Variants in PRDM13 observed in about 807,000 individuals in gnomAD.
PRDM13 encodes PR/SET domain 13.
PRDM13 carries 15 observed loss-of-function variants against 36.4 expected under a neutral mutation model. The observed-to-expected ratio is 0.41, with a 90% CI of 0.28 to 0.64. PRDM13 has a LOEUF of 0.64. PRDM13 is among the 30% of genes least tolerant of loss of function. PRDM13 has a pLI of 0.29. For synonymous variants in PRDM13, 531 were observed against 467.7 expected, an observed-to-expected ratio of 1.14 and a Z score of -1.75; for missense variants, 1,044 against 1,013.5, an observed-to-expected ratio of 1.03 and a Z score of -0.41.
At chr6:99,609,380 A>T in intron 3 of PRDM13, 73 bp downstream of exon 3, 1 of 1,545,604 alleles carries the variant, frequency 6.5e-7, no homozygotes, top group African/African-American at 1.4e-5. Context: ...GTCCCTAGAC[A>T]TAGCTCGATC....
In PRDM13 at chr6:99,613,638, G is replaced by A; in HGVS notation, c.1003G>A (p.Ala335Thr). ...ALGRLLGGGR[A>T]CGRPGSGENS... ...GGGCAGGCTGCTGGGCGGGGGCCGGGCGTGCGGGCGCCCCGGGAGCGGGGA... is the reference window on the plus strand; with the variant it reads ...GGGCAGGCTGCTGGGCGGGGGCCGGACGTGCGGGCGCCCCGGGAGCGGGGA... The change falls in exon 4 of 4, where the codon GCG (alanine) becomes ACG (threonine). Residue 335 changes from alanine (A) to threonine (T), a missense_variant. Coordinates refer to ENST00000369215, the MANE Select transcript of PRDM13 (RefSeq NM_021620.4). This position sits in a 1 kb window ranked among gnomAD's most constrained non-coding sequence, Gnocchi z 6.1. 7.0e-7 allele frequency: 1 copy of A among 1,437,804 alleles called. No individual in the cohort carries two copies. The highest frequency in any genetic ancestry group is 1.5e-5 in the African/African-American group (1 of 66,464). The allele number at this position is 1,437,804 out of a possible 1,614,324, so 89.1% of individuals were successfully genotyped here.
chr6:99,610,793 G>A (rs1770019199), intron 3 of PRDM13, among the ~76,000 whole-genome samples: 1 of 152,150 alleles, frequency 6.6e-6, no homozygotes, highest in African/African-American at 2.4e-5. Context: ...ACCTTTAGAA[G>A]CCAGCCATTT....
rs748789994 is a variant in PRDM13 at position 99,613,327 on chromosome 6, C to T, written c.692C>T (p.Ala231Val). 5 of 1,555,808 alleles carry T rather than the reference C, an allele frequency of 3.2e-6. No individual in the cohort carries two copies. The highest frequency in any genetic ancestry group is 4.3e-6 in the Non-Finnish European group (5 of 1,155,002). The change falls in exon 4 of 4, where the codon GCC (alanine) becomes GTC (valine). Residue 231 changes from alanine (A) to valine (V), a missense_variant. By Grantham distance (64) the Ala-to-Val change is moderately conservative. Transcript: ENST00000369215. The surrounding 1 kb of genome is among the most constrained non-coding windows in gnomAD (Gnocchi z 6.1). ...CGAREGIKRE[A>V]SSAPSATSPT... Reference sequence around the variant, plus strand: ...GCGCGGGAGGGCATCAAGCGCGAGGCCTCTTCCGCGCCCTCGGCCACCTCG... The same window carrying T: ...GCGCGGGAGGGCATCAAGCGCGAGGTCTCTTCCGCGCCCTCGGCCACCTCG...
At position 99,613,532 on chromosome 6, in the gene PRDM13, C is replaced by T. The variant is rs558655896; in HGVS notation, c.897C>T (p.Gly299=). ...PGVRSAFKPA[G]LARAAAAAHG... The stretch of plus-strand genomic sequence containing the variant: ...TGCGCTCAGCTTTCAAGCCCGCCGG[C>T]CTAGCGAGGGCGGCGGCGGCCGCTC... The change falls in exon 4 of 4, where the codon GGC becomes GGT. Residue 299 remains glycine (G), a synonymous_variant. Transcript: ENST00000369215. The surrounding 1 kb of genome is among the most constrained non-coding windows in gnomAD (Gnocchi z 6.1). 32 of 1,499,896 alleles carry T rather than the reference C, an allele frequency of 2.1e-5. No homozygotes were observed. Among genetic ancestry groups the T allele is most frequent in the East Asian group, 5.2e-5 (2 of 38,364 alleles). 92.9% of individuals were successfully genotyped at this position (1,499,896 alleles called of 1,614,324 possible). A position where few individuals can be genotyped will look rare whatever the true frequency, so the allele number is the denominator to read the frequency against.
intron 3 of PRDM13, among the ~76,000 whole-genome samples, chr6:99,610,266 C>A (rs563268303): frequency 6.6e-6 from 1 of 152,148 alleles, no homozygotes; most frequent in African/African-American, 2.4e-5. Flanking sequence ...TTAAACCTAC[C>A]CTTGAACACT....
Position 99,608,876 on chromosome 6 carries a change from C to T in PRDM13, c.276+4C>T, listed in dbSNP as rs1409395546. On this transcript the variant is annotated splice_donor_region_variant and intron_variant, in intron 2 of 3. Transcript: ENST00000369215. ...TGCAGACTTACCCGGAGGACAGGTACTGCGGGCTTCTCTCCACACCCCCCC... is the reference window on the plus strand; with the variant it reads ...TGCAGACTTACCCGGAGGACAGGTATTGCGGGCTTCTCTCCACACCCCCCC... The T allele has an allele frequency of 1.2e-6, 2 of 1,609,842 alleles. No individual in the cohort carries two copies. The highest frequency in any genetic ancestry group is 2.2e-5 in the South Asian group (2 of 90,316).
rs764847031 is a variant in PRDM13 at position 99,614,712 on chromosome 6, G to T, written c.2077G>T (p.Asp693Tyr). The T allele has an allele frequency of 5.6e-6, 9 of 1,597,866 alleles. 1 individual carries two copies. In the South Asian group the frequency reaches 1.0e-4, roughly 18 times the overall value. ...TGACGTGGACGTCTGCTTCACAGAC[G>T]ACCAGAGCGACCCCGAGGTTGGGGG... The part of the protein sequence containing the change: ...DSDVDVCFTD[D>Y]QSDPEVGGGG... Residue 693 changes from aspartate (D) to tyrosine (Y), a missense_variant, in exon 4 of 4, where the codon GAC (aspartate) becomes TAC (tyrosine). Physicochemically the swap from Asp to Tyr is radical, Grantham distance 160. This residue lies in a region of PRDM13 where 115 missense variants were observed against 122.1 expected (regional missense o/e 0.94). Coordinates refer to ENST00000369215, the MANE Select transcript of PRDM13 (RefSeq NM_021620.4).
rs886658890 is a variant in PRDM13 at position 99,612,978 on chromosome 6, T to C, written c.398-55T>C. 83 of 1,598,592 alleles carry C rather than the reference T, an allele frequency of 5.2e-5. No homozygotes were observed. The South Asian group carries it at 8.8e-4, about 17-fold the overall frequency. The stretch of plus-strand genomic sequence containing the variant: ...GCCTTGGGTGCACTGGCGCTTTCTT[T>C]ATGTCTCGCTTGTTCGCCTCTCACC... On this transcript the variant is annotated intron_variant, in intron 3 of 3. Transcript: ENST00000369215.
rs1769995133 is a variant in PRDM13, at chr6:99,609,093, G to T, written c.277-94G>T. The T allele has an allele frequency of 5.4e-6, 8 of 1,485,116 alleles. No homozygotes were observed. In the Admixed American group the frequency reaches 1.6e-4, roughly 29 times the overall value. The allele number at this position is 1,485,116 out of a possible 1,614,324, so 92.0% of individuals were successfully genotyped here. A position where few individuals can be genotyped will look rare whatever the true frequency, so the allele number is the denominator to read the frequency against. ...CCAGTAGCTTCTCCAGGGTCACACA[G>T]CATCAGAATCCGGATTTGAACCTTT... On this transcript the variant is annotated intron_variant, in intron 2 of 3. Coordinates refer to ENST00000369215, the MANE Select transcript of PRDM13 (RefSeq NM_021620.4).
rs1321724921 is a variant in PRDM13 at position 99,614,192 on chromosome 6, C to T, written c.1557C>T (p.Asp519=). Residue 519 remains aspartate, a synonymous_variant, in exon 4 of 4, where the codon GAC becomes GAT. Transcript: ENST00000369215. The part of the protein sequence containing the change: ...PAELGSLASI[D]REIAMHNQQL... ...AGCTGGGGTCGCTGGCCAGCATCGA[C>T]CGAGAGATCGCCATGCACAATCAGC... 3 of 1,605,812 alleles carry T rather than the reference C, an allele frequency of 1.9e-6. No homozygotes were observed. The highest frequency in any genetic ancestry group is 2.2e-5 in the South Asian group (2 of 90,782).
Position 99,613,009 on chromosome 6 carries a change from G to A in PRDM13, c.398-24G>A, listed in dbSNP as rs1468267525. The A allele has an allele frequency of 5.6e-6, 9 of 1,611,978 alleles. No individual in the cohort carries two copies. The highest frequency in any genetic ancestry group is 7.6e-6 in the Non-Finnish European group (9 of 1,179,488). ...TCGCTTGTTCGCCTCTCACCGGGTC[G>A]CTTTTCCATTCTTTCTTGCCCAGGG... is the stretch of plus-strand genomic sequence containing the variant. On this transcript the variant is annotated intron_variant, in intron 3 of 3. Coordinates refer to ENST00000369215, the MANE Select transcript of PRDM13 (RefSeq NM_021620.4). This position sits in a 1 kb window ranked among gnomAD's most constrained non-coding sequence, Gnocchi z 6.1.
In PRDM13 at chr6:99,608,843, G is replaced by A; in HGVS notation, c.247G>A (p.Glu83Lys). 6.2e-7 allele frequency: 1 copy of A among 1,613,810 alleles called. No individual in the cohort carries two copies. ...CAGAAACTCCCAGGAACAGACTCTG[G>A]AAGCTATTGCAGACTTACCCGGAGG... The part of the protein sequence containing the change: ...AARNSQEQTL[E>K]AIADLPGGQI... The change falls in exon 2 of 4, where the codon GAA becomes AAA. Residue 83 changes from glutamate to lysine, a missense_variant. Transcript: ENST00000369215.
At position 99,613,862 on chromosome 6, in the gene PRDM13, G is replaced by A. The variant is rs755974720; in HGVS notation, c.1227G>A (p.Pro409=). ...ASAFKHVERA[P]PAAAALPGAR... is the part of the protein sequence containing the mutation. The stretch of plus-strand genomic sequence containing the variant: ...CCTTCAAGCACGTGGAGCGCGCCCC[G>A]CCCGCAGCCGCCGCGCTGCCAGGAG... The change falls in exon 4 of 4, where the codon CCG becomes CCA. Residue 409 remains proline, a synonymous_variant. Transcript: ENST00000369215. The surrounding 1 kb of genome is among the most constrained non-coding windows in gnomAD (Gnocchi z 6.1). The A allele has an allele frequency of 1.6e-5, 24 of 1,507,676 alleles. No individual in the cohort carries two copies. Among genetic ancestry groups the A allele is most frequent in the Middle Eastern group, 1.9e-4 (1 of 5,350 alleles). The allele number at this position is 1,507,676 out of a possible 1,614,324, so 93.4% of individuals were successfully genotyped here. A position where few individuals can be genotyped will look rare whatever the true frequency, so the allele number is the denominator to read the frequency against.
chr6:99,612,402 A>T (rs945349809), intron 3 of PRDM13, among the ~76,000 whole-genome samples: 3 of 152,206 alleles, frequency 2.0e-5, no homozygotes, highest in Admixed American at 6.5e-5. Flanking sequence ...ATGGCAAATC[A>T]TAGTCCCTAT....
intron 1 of PRDM13, 36 bp from the exon 2 acceptor site, chr6:99,608,705 A>G: frequency 6.4e-7 from 1 of 1,569,650 alleles, no homozygotes; most frequent in Non-Finnish European, 8.6e-7. Context: ...GGCCTGGCCA[A>G]GGTGCGGGGG....
intron 3 of PRDM13, among the ~76,000 whole-genome samples, chr6:99,611,053 T>C (rs749903202): frequency 6.6e-5 from 10 of 152,160 alleles, no homozygotes; most frequent in Non-Finnish European, 1.5e-4. Context: ...ACTTGTTAAA[T>C]GTATTTGATA....
chr6:99,614,668 A>G lies in PRDM13; in HGVS notation c.2033A>G (p.Asp678Gly). ...AEPGYPPEPG[D>G]PKSDDSDVDV... ...CCCGGCTATCCCCCGGAGCCTGGGG[A>G]TCCCAAGAGCGACGACAGTGACGTG... Residue 678 changes from aspartate to glycine, a missense_variant, in exon 4 of 4, where the codon GAT becomes GGT. By Grantham distance (94) the Asp-to-Gly change is moderately conservative. Coordinates refer to ENST00000369215, the MANE Select transcript of PRDM13 (RefSeq NM_021620.4). 6.2e-7 allele frequency: 1 copy of G among 1,611,884 alleles called. No individual in the cohort carries two copies.
Position 99,613,874 on chromosome 6 carries a change from C to A in PRDM13, c.1239C>A (p.Ala413=), listed in dbSNP as rs928138788. 9 of 1,521,184 alleles carry A rather than the reference C, an allele frequency of 5.9e-6. No individual in the cohort carries two copies. Among genetic ancestry groups the A allele is most frequent in the East Asian group, 2.7e-5 (1 of 37,436 alleles). The allele number at this position is 1,521,184 out of a possible 1,614,324, so 94.2% of individuals were successfully genotyped here. Residue 413 remains alanine, a synonymous_variant, in exon 4 of 4, where the codon GCC becomes GCA. Coordinates refer to ENST00000369215, the MANE Select transcript of PRDM13 (RefSeq NM_021620.4). The surrounding 1 kb of genome is among the most constrained non-coding windows in gnomAD (Gnocchi z 6.1). ...TGGAGCGCGCCCCGCCCGCAGCCGC[C>A]GCGCTGCCAGGAGCGCGTTATGCGC... ...KHVERAPPAA[A]ALPGARYAQL...
intron 1 of PRDM13, among the ~76,000 whole-genome samples, chr6:99,607,667 A>C (rs902778853): frequency 6.6e-6 from 1 of 152,126 alleles, no homozygotes; most frequent in African/African-American, 2.4e-5. Flanking sequence ...GGAGGCTCTC[A>C]GTTCCTAGAA....
Sources: allele counts gnomAD v4.1 joint callset (sites outside exome capture counted in the v4.1 genomes callset), GRCh38; gene constraint gnomAD v4.1.1; regional missense constraint gnomAD v4.1.1; non-coding constraint Gnocchi (gnomAD v3.1); transcripts MANE v1.5; gene names NCBI Gene and HGNC (gene_info 2026-07-23, HGNC 2026-07-21).